ANKFN1: variants seen among roughly 807,000 people sequenced by gnomAD.
The protein encoded by ANKFN1 is ankyrin repeat and fibronectin type III domain containing 1.
Under a neutral mutation model 108.7 loss-of-function variants are expected in ANKFN1, and 74 were observed. The observed-to-expected ratio is 0.68, with a 90% CI of 0.56 to 0.83. ANKFN1 has a LOEUF of 0.83. Among genes scored for constraint, ANKFN1 ranks in the 40% least tolerant of loss-of-function variants. ANKFN1 has a pLI of 0.00. For synonymous variants in ANKFN1, 547 were observed against 516.2 expected (o/e 1.06, Z -0.81); for missense variants, 1,505 against 1,382.3 (o/e 1.09, Z -1.41).
At chr17:56,423,673 T>G (rs971003658) in intron 8 of ANKFN1, among the ~76,000 whole-genome samples, 3 of 152,154 alleles carry the variant, frequency 2.0e-5, no homozygotes, top group African/African-American at 7.2e-5. Context: ...GAAATCCTAC[T>G]CAATCTTCAA....
chr17:56,385,421 A>T (rs1253330666), intron 8 of ANKFN1, among the ~76,000 whole-genome samples: 3 of 152,248 alleles, frequency 2.0e-5, no homozygotes, highest in African/African-American at 4.8e-5. Context: ...CAAGGACTTC[A>T]TGTCTAAAAC....
intron 4 of ANKFN1, among the ~76,000 whole-genome samples, chr17:56,131,755 G>A (rs1055674989): frequency 1.3e-5 from 2 of 152,162 alleles, no homozygotes; most frequent in Admixed American, 6.5e-5. Context: ...GTCAGGGGTG[G>A]TGGCTCATTC....
chr17:56,170,807 TACACAC>T (rs112596144), intron 1 of ANKFN1, among the ~76,000 whole-genome samples: 5 of 61,450 alleles, frequency 8.1e-5, no homozygotes, highest in African/African-American at 2.8e-4. Context: ...TATATATATA[TACACAC>T]ACACACACAC....
chr17:56,113,670 C>T (rs373112062), intron 4 of ANKFN1, among the ~76,000 whole-genome samples: 8 of 152,248 alleles, frequency 5.3e-5, no homozygotes, highest in East Asian at 3.9e-4. Context: ...ATCTTTGGCA[C>T]GGTGCCTGGA....
chr17:56,318,813 G>C (rs2045281896), intron 3 of ANKFN1, among the ~76,000 whole-genome samples: 1 of 152,158 alleles, frequency 6.6e-6, no homozygotes, highest in Non-Finnish European at 1.5e-5. Flanking sequence ...TGATTTCCAA[G>C]TGCTTGTTTG....
chr17:56,515,110 C>T lies in ANKFN1; in HGVS notation c.*3841C>T, dbSNP rs1286750435. 6.6e-6 allele frequency among the ~76,000 whole-genome samples: 1 copy of T among 152,022 alleles called. No individual in the cohort carries two copies. The highest frequency in any genetic ancestry group is 1.5e-5 in the Non-Finnish European group (1 of 68,010). On this transcript the variant is annotated 3_prime_UTR_variant, in exon 21 of 21. Transcript: ENST00000682825. Reference sequence around the variant, plus strand: ...TCCAAGAGAAGGTATGTCTGCAACGCATTTAAGTTGCCTAGTTATGTCAAC... The same window carrying T: ...TCCAAGAGAAGGTATGTCTGCAACGTATTTAAGTTGCCTAGTTATGTCAAC...
intron 4 of ANKFN1, among the ~76,000 whole-genome samples, chr17:56,098,046 C>T (rs1294923053): frequency 2.0e-5 from 3 of 152,070 alleles, no homozygotes; most frequent in Admixed American, 2.0e-4. Flanking sequence ...AATGCCATCA[C>T]AATATCTTTA....
At chr17:56,064,344 TG>T (rs910226232) in intron 4 of ANKFN1, among the ~76,000 whole-genome samples, 42 of 152,334 alleles carry the variant, frequency 2.8e-4, no homozygotes, top group Admixed American at 8.5e-4. Flanking sequence ...AGGCTAAGTG[TG>T]CTGGTCTGCG....
chr17:56,445,919 A>T (rs572164042), intron 10 of ANKFN1, among the ~76,000 whole-genome samples: 1 of 152,268 alleles, frequency 6.6e-6, no homozygotes, highest in Non-Finnish European at 1.5e-5. Flanking sequence ...GAGCTGTATT[A>T]TGTGACACAA....
chr17:56,129,707 T>G (rs557980460), intron 4 of ANKFN1, among the ~76,000 whole-genome samples: 1 of 152,338 alleles, frequency 6.6e-6, no homozygotes, highest in African/African-American at 2.4e-5. Flanking sequence ...AACGCTGTGG[T>G]TTTTAGGTCT....
intron 4 of ANKFN1, among the ~76,000 whole-genome samples, chr17:56,148,454 A>T (rs1473065266): frequency 6.6e-6 from 1 of 152,208 alleles, no homozygotes; most frequent in East Asian, 1.9e-4. Flanking sequence ...GACCTCAGAC[A>T]ATTCACATGT....
chr17:56,118,759 A>G (rs1352007585), intron 4 of ANKFN1, among the ~76,000 whole-genome samples: 7 of 152,160 alleles, frequency 4.6e-5, no homozygotes, highest in Admixed American at 4.6e-4. Context: ...TCAGTCCACA[A>G]TATTTATTGA....
intron 3 of ANKFN1, among the ~76,000 whole-genome samples, chr17:56,315,287 A>C (rs1447396396): frequency 6.6e-6 from 1 of 152,220 alleles, no homozygotes; most frequent in Non-Finnish European, 1.5e-5. Context: ...TTGAAGTTGC[A>C]AATGTCACAG....
At chr17:56,465,100 CT>C (rs1218383336) in intron 14 of ANKFN1, among the ~76,000 whole-genome samples, 1 of 151,802 alleles carries the variant, frequency 6.6e-6, no homozygotes, top group Non-Finnish European at 1.5e-5. Flanking sequence ...TCTTTTCTTC[CT>C]TTTTTTTCCT....
At chr17:56,178,410 A>G in intron 1 of ANKFN1, among the ~76,000 whole-genome samples, 1 of 152,218 alleles carries the variant, frequency 6.6e-6, no homozygotes, top group Non-Finnish European at 1.5e-5. Context: ...ATGTAAACAC[A>G]TTTTAGCCTG....
At chr17:56,311,117 G>A (rs1372735253) in intron 3 of ANKFN1, among the ~76,000 whole-genome samples, 1 of 150,136 alleles carries the variant, frequency 6.7e-6, no homozygotes, top group African/African-American at 2.5e-5. Flanking sequence ...CTCCTTTTAG[G>A]GCTACATAAT....
intron 1 of ANKFN1, among the ~76,000 whole-genome samples, chr17:56,188,577 GTGTGTATA>G (rs1489023344): frequency 6.1e-4 from 49 of 80,760 alleles, no homozygotes; most frequent in Middle Eastern, 6.7e-3. Context: ...GTGTGTGTGT[GTGTGTATA>G]TATATATATA....
intron 6 of ANKFN1, among the ~76,000 whole-genome samples, chr17:56,363,436 G>A (rs888785662): frequency 1.3e-5 from 2 of 152,160 alleles, no homozygotes; most frequent in Non-Finnish European, 1.5e-5. Flanking sequence ...TGTCGGTGAG[G>A]ATGTGGAGAA....
chr17:56,508,381 T>C (rs979982850), intron 20 of ANKFN1, among the ~76,000 whole-genome samples: 6 of 152,354 alleles, frequency 3.9e-5, no homozygotes, highest in Middle Eastern at 3.4e-3. Context: ...TTTAAAAATA[T>C]GTTTTTTGAA....
Sources: gnomAD v4.1 joint callset for allele counts (sites outside exome capture counted in the v4.1 genomes callset) on GRCh38, gnomAD v4.1.1 for gene constraint, MANE v1.5 for transcripts, NCBI Gene and HGNC (gene_info 2026-07-23, HGNC 2026-07-21) for gene names.